The following AMPD1 variants were observed in gnomAD, a reference collection of about 807,000 sequenced individuals.
AMPD1 encodes the protein AMP deaminase 1.
Under a neutral mutation model 82.9 loss-of-function variants are expected in AMPD1, and 74 were observed. The observed-to-expected ratio is 0.89, with a 90% confidence interval of 0.74 to 1.08. The LOEUF is 1.08. Among genes scored for constraint, AMPD1 ranks in the 50% least tolerant of loss-of-function variants. The probability of loss-of-function intolerance (pLI) is 0.00; values close to 1 mark genes in which losing one functional copy is unlikely to be tolerated. For missense variants in AMPD1, 881 were observed against 924.5 expected, an observed-to-expected ratio of 0.95 and a Z score of 0.61; for synonymous variants, 333 against 320.5, an observed-to-expected ratio of 1.04 and a Z score of -0.42.
chr1:114,683,793 C>A (rs997213494), intron 5 of AMPD1, among the ~76,000 whole-genome samples: 1 of 152,114 alleles, frequency 6.6e-6, no homozygotes, highest in Non-Finnish European at 1.5e-5. Flanking sequence ...AAATGCCAGG[C>A]TAAAGACTGG....
rs373185817 is a variant in AMPD1, at chr1:114,691,750, A to G, written c.34+1686T>C. The stretch of plus-strand genomic sequence containing the variant: ...AGACCAGCCTGGCCAACATGGTGAA[A>G]CCACGTCTCTACTAAAAATACCAAA... On this transcript the variant is annotated intron_variant, in intron 2 of 15. Transcript: ENST00000520113. Among the ~76,000 whole-genome samples the G allele has an allele frequency of 7.2e-5, 11 of 152,048 alleles. No individual in the cohort carries two copies. The East Asian group carries it at 1.2e-3, about 16-fold the overall frequency.
chr1:114,688,823 A>G (rs1222267630), intron 2 of AMPD1, 82 bp from the exon 3 acceptor site: 1 of 1,494,600 alleles, frequency 6.7e-7, no homozygotes, highest in Non-Finnish European at 9.3e-7. Context: ...AAGGCATGGG[A>G]CAAGGACTGT....
intron 2 of AMPD1, among the ~76,000 whole-genome samples, chr1:114,689,742 G>A (rs187176084): frequency 3.3e-5 from 5 of 152,234 alleles, no homozygotes; most frequent in Non-Finnish European, 4.4e-5. Context: ...ATTTGAACCC[G>A]GGAGGCAGAG....
chr1:114,691,589 G>C (rs1227656903), intron 2 of AMPD1, among the ~76,000 whole-genome samples: 1 of 151,504 alleles, frequency 6.6e-6, no homozygotes, highest in Non-Finnish European at 1.5e-5. Context: ...TCAGGGAATG[G>C]TGGTGATTAT....
intron 10 of AMPD1, among the ~76,000 whole-genome samples, chr1:114,676,952 A>G (rs1361113363): frequency 6.6e-6 from 1 of 152,114 alleles, no homozygotes; most frequent in Non-Finnish European, 1.5e-5. Context: ...GGGACAATTG[A>G]CAGACAGTAG....
chr1:114,676,311 C>CA, intron 10 of AMPD1: 1 of 360,950 alleles, frequency 2.8e-6, no homozygotes, highest in East Asian at 7.0e-5. Context: ...GTCATAAAAG[C>CA]TTCAATATAT....
In AMPD1 at chr1:114,686,736, C is replaced by T; in HGVS notation, c.381+9G>A. 6.2e-7 allele frequency: 1 copy of T among 1,613,884 alleles called. No individual in the cohort carries two copies. The highest frequency in any genetic ancestry group is 1.1e-5 in the South Asian group (1 of 91,060). Reference sequence around the variant, plus strand: ...GGTTGCTAAGTCTGAGTGGCAAGGACCAACTCACCCCAGAGGCATAGTCAC... The same window carrying T: ...GGTTGCTAAGTCTGAGTGGCAAGGATCAACTCACCCCAGAGGCATAGTCAC... On this transcript the variant is annotated intron_variant, in intron 4 of 15. Transcript: ENST00000520113.
rs180719432 is a variant in AMPD1, at chr1:114,676,053, T to A, written c.1389-50A>T. The A allele has an allele frequency of 8.0e-5, 128 of 1,598,720 alleles. No homozygotes were observed. In the East Asian group the frequency reaches 2.2e-3, roughly 28 times the overall value. On this transcript the variant is annotated intron_variant, in intron 10 of 15. Coordinates refer to ENST00000520113, the MANE Select transcript of AMPD1 (RefSeq NM_000036.3). ...TAGGAGAAAAAAAGATTTTTAGGAC[T>A]GATAGCCCCAGTATGAGGGAACCAG...
intron 8 of AMPD1, 85 bp from the exon 9 acceptor site, chr1:114,678,126 G>A: frequency 6.3e-7 from 1 of 1,576,780 alleles, no homozygotes. Context: ...GCAGAACTGG[G>A]GTCTGGTAGT....
Position 114,677,423 on chromosome 1 carries a change from A to C in AMPD1, c.1316T>G (p.Leu439Arg), listed in dbSNP as rs1276731554. The C allele has an allele frequency of 4.3e-6, 7 of 1,610,990 alleles. No individual in the cohort carries two copies. Among genetic ancestry groups the C allele is most frequent in the Non-Finnish European group, 5.9e-6 (7 of 1,179,416 alleles). ...GCGATTGCAGACGAACCAGGAGGAG[A>C]GTTTGCTCCACTCATCAGGACTGCG... ...YGRSPDEWSKLSSWFVCNRIH... is the reference protein window; with the variant it reads ...YGRSPDEWSKRSSWFVCNRIH... The change falls in exon 10 of 16, where the codon CTC becomes CGC. Residue 439 changes from leucine (L) to arginine (R), a missense_variant. Transcript: ENST00000520113.
rs759580913 is a variant in AMPD1, at chr1:114,695,534, GTGAC to G, written c.-67_-64del. 5 of 1,614,130 alleles carry G rather than the reference GTGAC, an allele frequency of 3.1e-6. No homozygotes were observed. Among genetic ancestry groups the G allele is most frequent in the Non-Finnish European group, 4.2e-6 (5 of 1,180,004 alleles). On this transcript the variant is annotated 5_prime_UTR_variant, in exon 1 of 16. Transcript: ENST00000520113. ...AAAAGAAGAGAGAGGAGACTGTGGG[GTGAC>G]TGACTGACACTATAAAATATCCTGA...
At chr1:114,674,950 A>C in intron 12 of AMPD1, 78 bp from the exon 13 acceptor site, 1 of 1,570,456 alleles carries the variant, frequency 6.4e-7, no homozygotes, top group Non-Finnish European at 8.7e-7. Context: ...TAGAAAAGTG[A>C]ACACTCTGGA....
Position 114,677,988 on chromosome 1 carries a change from T to A in AMPD1, c.1146A>T (p.Val382=). ...FDKFNDKYNP[V]GASELRDLYL... is the part of the protein sequence containing the mutation. ...AGAGGTCCCGTAGCTCACTTGCTCCTACAGGATTATATTTGTCATTGAACT... is the reference window on the plus strand; with the variant it reads ...AGAGGTCCCGTAGCTCACTTGCTCCAACAGGATTATATTTGTCATTGAACT... Residue 382 remains valine, a synonymous_variant, in exon 9 of 16, where the codon GTA becomes GTT. Coordinates refer to ENST00000520113, the MANE Select transcript of AMPD1 (RefSeq NM_000036.3). The A allele has an allele frequency of 6.2e-6, 10 of 1,614,048 alleles. No homozygotes were observed. The highest frequency in any genetic ancestry group is 8.5e-6 in the Non-Finnish European group (10 of 1,179,994).
At position 114,678,471 on chromosome 1, in the gene AMPD1, A is replaced by C. The variant is rs1425627876; in HGVS notation, c.954T>G (p.Phe318Leu). ...CATCAATTTGGTAAGATTTCTTAAT[A>C]AAACGCAGCAGATGTTTCTGGTTCA... ...ACMNQKHLLR[F>L]IKKSYQIDAD... Residue 318 changes from phenylalanine (F) to leucine (L), a missense_variant, in exon 8 of 16, where the codon TTT becomes TTG. By Grantham distance (22) the Phe-to-Leu change is conservative. Coordinates refer to ENST00000520113, the MANE Select transcript of AMPD1 (RefSeq NM_000036.3). 6.2e-7 allele frequency: 1 copy of C among 1,614,116 alleles called. No homozygotes were observed. Among genetic ancestry groups the C allele is most frequent in the African/African-American group, 1.3e-5 (1 of 74,930 alleles).
intron 5 of AMPD1, among the ~76,000 whole-genome samples, chr1:114,683,651 C>T (rs986017656): frequency 1.3e-5 from 2 of 152,046 alleles, no homozygotes; most frequent in African/African-American, 4.8e-5. Context: ...GCAGGAGAAT[C>T]GCTTGAACCC....
At chr1:114,688,515 C>G (rs1421330079) in intron 3 of AMPD1, 46 bp downstream of exon 3, 1 of 1,597,578 alleles carries the variant, frequency 6.3e-7, no homozygotes, top group African/African-American at 1.3e-5. Flanking sequence ...GGCAGATACC[C>G]CTCCTTAGGT....
intron 10 of AMPD1, 70 bp downstream of exon 10, chr1:114,677,281 G>C: frequency 6.3e-7 from 1 of 1,587,074 alleles, no homozygotes; most frequent in African/African-American, 1.4e-5. Flanking sequence ...CACGTTCCTT[G>C]TTCATACAGG....
intron 10 of AMPD1, 36 bp downstream of exon 10, chr1:114,677,315 G>C (rs1379488030): frequency 6.2e-7 from 1 of 1,610,316 alleles, no homozygotes; most frequent in Admixed American, 1.7e-5. Context: ...ATGAGACAAG[G>C]GCAGGCTCTA....
chr1:114,687,198 C>A (rs1391604413), intron 3 of AMPD1, among the ~76,000 whole-genome samples: 1 of 152,040 alleles, frequency 6.6e-6, no homozygotes, highest in African/African-American at 2.4e-5. Context: ...GCAGAATAGG[C>A]AGTCTAGGAA....
Sources: gnomAD v4.1 joint callset for allele counts (sites outside exome capture counted in the v4.1 genomes callset) on GRCh38, gnomAD v4.1.1 for gene constraint, MANE v1.5 for transcripts, NCBI Gene and HGNC (gene_info 2026-07-23, HGNC 2026-07-21) for gene names.